Variants in ARVCF observed in about 807,000 individuals in gnomAD.
ARVCF encodes the protein splicing regulator ARVCF.
A neutral mutation model predicts 90.9 loss-of-function variants in ARVCF; 66 were observed. The observed-to-expected ratio is 0.73, with a 90% CI of 0.60 to 0.89. The LOEUF is 0.89. ARVCF is among the 40% of genes least tolerant of loss of function. The pLI is 0.00. For synonymous variants in ARVCF, 653 were observed against 603.4 expected (o/e 1.08, Z -1.21); for missense variants, 1,469 against 1,382.3 (o/e 1.06, Z -1.00).
intron 11 of ARVCF, 122 bp from the exon 12 acceptor site, chr22:19,974,361 G>T: frequency 8.3e-7 from 1 of 1,205,038 alleles, no homozygotes; most frequent in South Asian, 1.7e-5. Flanking sequence ...GATGGGTGTG[G>T]ATGAGTCACG....
intron 2 of ARVCF, among the ~76,000 whole-genome samples, chr22:20,000,827 A>T (rs1240609372): frequency 3.3e-5 from 5 of 152,000 alleles, no homozygotes; most frequent in African/African-American, 1.2e-4. Context: ...ATCTATCAAT[A>T]GCCCTCACCA....
chr22:19,987,277 G>A lies in ARVCF; in HGVS notation c.210+3308C>T, dbSNP rs537827773. 1,638 of 291,996 alleles carry A rather than the reference G, an allele frequency of 5.6e-3. 14 individuals carry two copies. The highest frequency in any genetic ancestry group is 6.5e-3 in the Non-Finnish European group (1,036 of 158,716). 18.1% of individuals were successfully genotyped at this position (291,996 alleles called of 1,614,324 possible). A position where few individuals can be genotyped will look rare whatever the true frequency, so the allele number is the denominator to read the frequency against. ...GCCGCGCCCAGGTGGGGCGTGGCGGGGGCCGGGGTGGGCGTGGCGGGCGGG... is the reference window on the plus strand; with the variant it reads ...GCCGCGCCCAGGTGGGGCGTGGCGGAGGCCGGGGTGGGCGTGGCGGGCGGG... On this transcript the variant is annotated intron_variant, in intron 3 of 19. Coordinates refer to ENST00000263207, the MANE Select transcript of ARVCF (RefSeq NM_001670.3).
downstream of ARVCF, chr22:19,967,084 A>C: frequency 8.1e-7 from 1 of 1,238,226 alleles, no homozygotes; most frequent in African/African-American, 1.6e-5. Context: ...TTCGTAAAGG[A>C]GTGGGCCCCT....
intron 2 of ARVCF, among the ~76,000 whole-genome samples, chr22:20,001,208 C>T (rs556063420): frequency 1.8e-4 from 28 of 152,244 alleles, no homozygotes; most frequent in Non-Finnish European, 2.6e-4. Context: ...CCCCTGAGGC[C>T]GGGTCAAGCC....
chr22:19,970,376 C>A lies in ARVCF; in HGVS notation c.*380G>T. On this transcript the variant is annotated 3_prime_UTR_variant, in exon 20 of 20. Coordinates refer to ENST00000263207, the MANE Select transcript of ARVCF (RefSeq NM_001670.3). ...CCTGCCCCTGGCGCCAGACCTGGCC[C>A]GCACCACTGGGGCACTGTGTTCCCA... is the stretch of plus-strand genomic sequence containing the variant. 3.9e-6 allele frequency: 4 copies of A among 1,021,292 alleles called. No homozygotes were observed. The highest frequency in any genetic ancestry group is 4.7e-6 in the Non-Finnish European group (4 of 850,908). The allele number at this position is 1,021,292 out of a possible 1,614,324, so 63.3% of individuals were successfully genotyped here.
At position 19,990,467 on chromosome 22, in the gene ARVCF, C is replaced by T. The variant is rs45629237; in HGVS notation, c.210+118G>A. ...TGGGATCCCATTTTCCTTTCCTCCC[C>T]AGGAGCCCCAGCAAATCTTGCAATA... On this transcript the variant is annotated intron_variant, in intron 3 of 19. Transcript: ENST00000263207. The T allele has an allele frequency of 0.052, 67,226 of 1,293,084 alleles. 2,220 individuals are homozygous for T. The highest frequency in any genetic ancestry group is 0.13 in the African/African-American group (9,057 of 68,008). 80.1% of individuals were successfully genotyped at this position (1,293,084 alleles called of 1,614,324 possible). A position where few individuals can be genotyped will look rare whatever the true frequency, so the allele number is the denominator to read the frequency against.
chr22:19,989,835 G>A (rs909832368), intron 3 of ARVCF, among the ~76,000 whole-genome samples: 8 of 152,232 alleles, frequency 5.3e-5, no homozygotes, highest in South Asian at 2.1e-4. Context: ...CCCCTTCCCC[G>A]TGGCTGCTGG....
intron 2 of ARVCF, among the ~76,000 whole-genome samples, chr22:19,996,911 A>G (rs1315351220): frequency 6.6e-6 from 1 of 152,224 alleles, no homozygotes; most frequent in Non-Finnish European, 1.5e-5. Flanking sequence ...GTAGAGGGAC[A>G]GAGATAGCTC....
At chr22:20,001,496 A>G (rs1465603971) in intron 2 of ARVCF, among the ~76,000 whole-genome samples, 2 of 152,222 alleles carry the variant, frequency 1.3e-5, no homozygotes, top group Non-Finnish European at 2.9e-5. Context: ...TCCGCTGGCC[A>G]CAGACCACAA....
intron 2 of ARVCF, among the ~76,000 whole-genome samples, chr22:20,002,230 C>T (rs1335176324): frequency 6.6e-6 from 1 of 152,190 alleles, no homozygotes; most frequent in African/African-American, 2.4e-5. Context: ...GTCTCATTTC[C>T]TCTGGCTCCT....
downstream of ARVCF, among the ~76,000 whole-genome samples, chr22:19,966,806 G>A (rs538916940): frequency 7.9e-5 from 12 of 152,100 alleles, no homozygotes; most frequent in South Asian, 8.3e-4. Context: ...GTGCAGTGGC[G>A]CGATCTTGGC....
chr22:19,973,285 C>T lies in ARVCF; in HGVS notation c.2272G>A (p.Val758Met). The T allele has an allele frequency of 4.4e-6, 7 of 1,606,218 alleles. No homozygotes were observed. The highest frequency in any genetic ancestry group is 5.9e-6 in the Non-Finnish European group (7 of 1,178,664). ...CGCGGCGGAGCCTGTGCATTGCGCA[C>T]ATTCCGCACAAGCTCAGCCATGGCG... Reference protein sequence around the residue: ...SYAMAELVRNVRNAQAPPRPG... With the variant: ...SYAMAELVRNMRNAQAPPRPG... The change falls in exon 14 of 20, where the codon GTG (valine) becomes ATG (methionine). Residue 758 changes from valine (V) to methionine (M), a missense_variant. Physicochemically the swap from Val to Met is conservative, Grantham distance 21. Transcript: ENST00000263207.
At chr22:20,005,388 G>T (rs951974712) in intron 2 of ARVCF, among the ~76,000 whole-genome samples, 1 of 143,934 alleles carries the variant, frequency 6.9e-6, no homozygotes, top group African/African-American at 2.5e-5. Flanking sequence ...AAAAAAAAAA[G>T]TTTTGGCAGA....
downstream of ARVCF, chr22:19,969,481 G>A (rs1942620809): frequency 6.6e-6 from 1 of 152,298 alleles, no homozygotes; most frequent in Non-Finnish European, 1.5e-5. Context: ...CATGAGTGAG[G>A]ATGCAGTGCT....
intron 2 of ARVCF, among the ~76,000 whole-genome samples, chr22:19,991,672 G>A (rs567944221): frequency 6.6e-6 from 1 of 152,364 alleles, no homozygotes; most frequent in Non-Finnish European, 1.5e-5. Context: ...GCAGGCGGGG[G>A]CCATGAGGGC....
chr22:19,994,338 AG>A (rs1401760560), intron 2 of ARVCF, among the ~76,000 whole-genome samples: 1 of 96,414 alleles, frequency 1.0e-5, no homozygotes, highest in African/African-American at 4.0e-5. Context: ...GGATGGTGGG[AG>A]ATAGACATAC....
intron 18 of ARVCF, 44 bp from the exon 19 acceptor site, chr22:19,971,379 A>C (rs1402767695): frequency 6.9e-7 from 1 of 1,453,972 alleles, no homozygotes; most frequent in East Asian, 2.4e-5. Context: ...AGAGCAGGTT[A>C]GTTAGAGCTC....
At chr22:19,966,973 T>C (rs1004854242), downstream of ARVCF, 9 of 985,318 alleles carry the variant, frequency 9.1e-6, no homozygotes, top group African/African-American at 7.0e-5. Flanking sequence ...CGCTGATGCA[T>C]GTTTAGCCAG....
Position 19,973,936 on chromosome 22 carries a change from G to A in ARVCF, c.2089-143C>T, listed in dbSNP as rs531445122. ...CCAAAAGCTCAACGGCACCTCCACC[G>A]AGGTTTTCCCACCGTCCAGGGTGCA... On this transcript the variant is annotated intron_variant, in intron 12 of 19. Coordinates refer to ENST00000263207, the MANE Select transcript of ARVCF (RefSeq NM_001670.3). 5.0e-5 allele frequency: 73 copies of A among 1,473,884 alleles called. No individual in the cohort carries two copies. In the South Asian group the frequency reaches 9.3e-4, roughly 19 times the overall value. 91.3% of individuals were successfully genotyped at this position (1,473,884 alleles called of 1,614,324 possible).
Sources: gnomAD v4.1 joint callset for allele counts (sites outside exome capture counted in the v4.1 genomes callset) on GRCh38, gnomAD v4.1.1 for gene constraint, MANE v1.5 for transcripts, NCBI Gene and HGNC (gene_info 2026-07-23, HGNC 2026-07-21) for gene names.